The following PRKG1 variants were observed in gnomAD, a reference collection of about 807,000 sequenced individuals.
PRKG1 encodes protein kinase cGMP-dependent 1.
PRKG1 carries 35 observed loss-of-function variants against 88.1 expected under a neutral mutation model. The observed-to-expected ratio is 0.40, with a 90% CI of 0.30 to 0.53. The LOEUF is 0.53. Among genes scored for constraint, PRKG1 ranks in the 20% least tolerant of loss-of-function variants. PRKG1 has a pLI of 0.59. For synonymous variants in PRKG1, 303 were observed against 292.5 expected, an observed-to-expected ratio of 1.04 and a Z score of -0.37; for missense variants, 540 against 839.8, an observed-to-expected ratio of 0.64 and a Z score of 4.41.
In PRKG1 at chr10:51,856,754, A is replaced by G. The variant is rs552401473; in HGVS notation, c.699-50753A>G. 8.2e-4 allele frequency among the ~76,000 whole-genome samples: 125 copies of G among 152,158 alleles called. 1 individual carries two copies. Among genetic ancestry groups the G allele is most frequent in the African/African-American group, 2.9e-3 (119 of 41,538 alleles). ...GCTGAGTCAGGTGGATCACGAGGTCAGGAGATCGGGACCATCCTGGCTAAC... is the reference window on the plus strand; with the variant it reads ...GCTGAGTCAGGTGGATCACGAGGTCGGGAGATCGGGACCATCCTGGCTAAC... On this transcript the variant is annotated intron_variant, in intron 4 of 17. Coordinates refer to ENST00000373980, the MANE Select transcript of PRKG1 (RefSeq NM_006258.4).
intron 3 of PRKG1, among the ~76,000 whole-genome samples, chr10:51,559,758 T>A (rs866449454): frequency 1.3e-5 from 2 of 152,140 alleles, no homozygotes; most frequent in African/African-American, 4.8e-5. Flanking sequence ...AACAAATTGA[T>A]GTTACAAGCC....
At chr10:51,920,354 G>C (rs1937685) in intron 5 of PRKG1, among the ~76,000 whole-genome samples, 29,540 of 152,060 alleles carry the variant, frequency 0.19, 3,309 homozygotes, top group East Asian at 0.49. Context: ...AGGCCCCGGG[G>C]AGAGAGCTGA....
intron 1 of PRKG1, among the ~76,000 whole-genome samples, chr10:51,111,262 T>C (rs1844972771): frequency 1.3e-5 from 2 of 152,142 alleles, no homozygotes; most frequent in Non-Finnish European, 1.5e-5. Flanking sequence ...AATTAAATTA[T>C]TGTTTATATT....
At chr10:51,438,140 C>G (rs1017376620) in intron 2 of PRKG1, among the ~76,000 whole-genome samples, 3 of 151,370 alleles carry the variant, frequency 2.0e-5, no homozygotes, top group Admixed American at 2.0e-4. Flanking sequence ...TTGGAAAGCA[C>G]TGGATGCAAA....
intron 7 of PRKG1, among the ~76,000 whole-genome samples, chr10:52,106,924 G>T (rs1303794370): frequency 6.6e-6 from 1 of 151,992 alleles, no homozygotes; most frequent in South Asian, 2.1e-4. Context: ...GCACCCTTCA[G>T]CTATGGTTAG....
intron 3 of PRKG1, among the ~76,000 whole-genome samples, chr10:51,757,090 C>CATTTT (rs1225871876): frequency 6.6e-6 from 1 of 151,440 alleles, no homozygotes; most frequent in African/African-American, 2.4e-5. Flanking sequence ...TCCTCACTTT[C>CATTTT]ATTTTATTTT....
intron 2 of PRKG1, among the ~76,000 whole-genome samples, chr10:51,167,507 T>C (rs1846580615): frequency 6.6e-6 from 1 of 152,168 alleles, no homozygotes; most frequent in Non-Finnish European, 1.5e-5. Flanking sequence ...ATCTGATTTA[T>C]GTTTTATGAG....
chr10:51,406,954 T>G (rs1448602378), intron 2 of PRKG1, among the ~76,000 whole-genome samples: 1 of 152,142 alleles, frequency 6.6e-6, no homozygotes, highest in East Asian at 1.9e-4. Context: ...ACTGAAAAAC[T>G]TGGAGTTCGA....
intron 2 of PRKG1, among the ~76,000 whole-genome samples, chr10:51,347,836 C>T (rs1001587015): frequency 8.6e-5 from 13 of 151,838 alleles, no homozygotes; most frequent in Admixed American, 2.0e-4. Context: ...CCGAGGCAGG[C>T]GGAACACGAG....
At chr10:51,889,331 T>C (rs1589391719) in intron 4 of PRKG1, among the ~76,000 whole-genome samples, 1 of 151,522 alleles carries the variant, frequency 6.6e-6, no homozygotes, top group Non-Finnish European at 1.5e-5. Flanking sequence ...GTCCTTGAGA[T>C]AGTTTGCTGA....
chr10:51,984,177 G>T (rs1844090985), intron 5 of PRKG1, among the ~76,000 whole-genome samples: 2 of 152,170 alleles, frequency 1.3e-5, no homozygotes, highest in South Asian at 4.1e-4. Flanking sequence ...ATGTTACAAA[G>T]GGTGATATGA....
At chr10:52,173,303 G>C (rs902957946) in intron 9 of PRKG1, among the ~76,000 whole-genome samples, 3 of 152,042 alleles carry the variant, frequency 2.0e-5, no homozygotes, top group Non-Finnish European at 4.4e-5. Context: ...TTTAGAAAAA[G>C]CATTTTCATT....
chr10:51,956,115 A>G (rs888396623), intron 5 of PRKG1, among the ~76,000 whole-genome samples: 1 of 152,170 alleles, frequency 6.6e-6, no homozygotes, highest in Non-Finnish European at 1.5e-5. Context: ...TCTGTGATGT[A>G]GGATATCACA....
At chr10:51,772,873 T>A (rs1269267990) in intron 3 of PRKG1, among the ~76,000 whole-genome samples, 1 of 152,068 alleles carries the variant, frequency 6.6e-6, no homozygotes, top group Non-Finnish European at 1.5e-5. Context: ...TAATGTAAAG[T>A]GATTGACAAA....
intron 3 of PRKG1, among the ~76,000 whole-genome samples, chr10:51,530,581 A>G (rs1323907913): frequency 6.6e-6 from 1 of 152,180 alleles, no homozygotes; most frequent in Admixed American, 6.6e-5. Context: ...GTTTCAACTG[A>G]GGTGACCGTC....
chr10:51,159,454 C>G (rs541004888), intron 2 of PRKG1, among the ~76,000 whole-genome samples: 2 of 152,190 alleles, frequency 1.3e-5, no homozygotes, highest in East Asian at 1.9e-4. Flanking sequence ...ACTTGCAATT[C>G]CTTTATGGGA....
chr10:51,093,801 T>TACACACACAC (rs57772981), intron 1 of PRKG1, among the ~76,000 whole-genome samples: 12 of 127,682 alleles, frequency 9.4e-5, no homozygotes, highest in African/African-American at 3.2e-4. Flanking sequence ...TATATATATA[T>TACACACACAC]ACACACACAC....
intron 3 of PRKG1, among the ~76,000 whole-genome samples, chr10:51,605,710 A>G (rs1486484342): frequency 1.3e-5 from 2 of 152,180 alleles, no homozygotes; most frequent in Non-Finnish European, 2.9e-5. Context: ...GTGTTTTATC[A>G]TCTTTCACCA....
chr10:51,768,663 G>T (rs771137364), intron 3 of PRKG1, among the ~76,000 whole-genome samples: 199 of 152,082 alleles, frequency 1.3e-3, no homozygotes, highest in Admixed American at 4.4e-3. Context: ...ACATATCCTC[G>T]TCAGATAACC....
Sources: gnomAD v4.1 joint callset for allele counts (sites outside exome capture counted in the v4.1 genomes callset) on GRCh38, gnomAD v4.1.1 for gene constraint, MANE v1.5 for transcripts, NCBI Gene and HGNC (gene_info 2026-07-23, HGNC 2026-07-21) for gene names.